ZBTB40: variants seen among roughly 807,000 people sequenced by gnomAD.
The protein encoded by ZBTB40 is zinc finger and BTB domain-containing protein 40.
Under a neutral mutation model 117.5 loss-of-function variants are expected in ZBTB40, and 60 were observed. The observed-to-expected ratio is 0.51, with a 90% CI of 0.41 to 0.63. The LOEUF is 0.63. Ranked by LOEUF, ZBTB40 falls within the 30% of genes least tolerant of loss-of-function variation. The pLI, the probability that ZBTB40 is intolerant of heterozygous loss-of-function variation, is 0.00. For missense variants in ZBTB40, 1,287 were observed against 1,498.5 expected, an observed-to-expected ratio of 0.86 and a Z score of 2.33; for synonymous variants, 525 against 577.1, an observed-to-expected ratio of 0.91 and a Z score of 1.29.
chr1:22,466,005 CT>C lies in ZBTB40; in HGVS notation c.-70+14002del, dbSNP rs1044488791. On this transcript the variant is annotated intron_variant, in intron 1 of 17. Coordinates refer to ENST00000375647, the MANE Select transcript of ZBTB40 (RefSeq NM_014870.4). ...GTGTTTTATCACTCTGAAACCCCCC[CT>C]GTACCTGTTAGTAGTCACTCCCCAT... Among the ~76,000 whole-genome samples, 14 of 152,356 alleles carry C rather than the reference CT, an allele frequency of 9.2e-5. No homozygotes were observed. In the Middle Eastern group the frequency reaches 0.014, roughly 148 times the overall value.
At chr1:22,521,167 A>G (rs28645571) in intron 14 of ZBTB40, among the ~76,000 whole-genome samples, 24,131 of 152,244 alleles carry the variant, frequency 0.16, 2,246 homozygotes, top group Admixed American at 0.21. Flanking sequence ...TCCTGATGTT[A>G]TGATTAGTCA....
intron 1 of ZBTB40, among the ~76,000 whole-genome samples, chr1:22,458,200 A>C (rs567144567): frequency 6.6e-6 from 1 of 152,162 alleles, no homozygotes; most frequent in African/African-American, 2.4e-5. Context: ...ATTCCTCTCC[A>C]ATCTATTTGG....
rs374674583 is a variant in ZBTB40, at chr1:22,527,750, G to C, written c.*1354G>C. ...CTCACATTGCCATGTACAGAGGCAGGAGTCACGTTTGGTCACCATGGAAGC... is the reference window on the plus strand; with the variant it reads ...CTCACATTGCCATGTACAGAGGCAGCAGTCACGTTTGGTCACCATGGAAGC... On this transcript the variant is annotated 3_prime_UTR_variant, in exon 18 of 18. Coordinates refer to ENST00000375647, the MANE Select transcript of ZBTB40 (RefSeq NM_014870.4). The C allele has an allele frequency of 5.3e-5, 8 of 152,110 alleles. No individual in the cohort carries two copies. The East Asian group carries it at 1.5e-3, about 29-fold the overall frequency. The allele number at this position is 152,110 out of a possible 1,614,324, so 9.4% of individuals were successfully genotyped here.
intron 1 of ZBTB40, among the ~76,000 whole-genome samples, chr1:22,473,941 C>CT (rs1419568996): frequency 6.6e-6 from 1 of 152,090 alleles, no homozygotes; most frequent in African/African-American, 2.4e-5. Context: ...AGCCTTAGTC[C>CT]TCATCTGTAA....
chr1:22,484,736 A>G (rs1213227318), intron 1 of ZBTB40, among the ~76,000 whole-genome samples: 1 of 152,172 alleles, frequency 6.6e-6, no homozygotes, highest in Non-Finnish European at 1.5e-5. Flanking sequence ...CAGCAGGAAG[A>G]CTTTGAGTTT....
intron 1 of ZBTB40, among the ~76,000 whole-genome samples, chr1:22,464,726 A>G (rs1156410341): frequency 3.3e-5 from 5 of 152,248 alleles, no homozygotes; most frequent in Non-Finnish European, 7.3e-5. Flanking sequence ...TTTTAAATGC[A>G]AATATGTATA....
intron 11 of ZBTB40, 46 bp from the exon 12 acceptor site, chr1:22,512,878 G>A (rs1569873196): frequency 6.2e-7 from 1 of 1,601,812 alleles, no homozygotes; most frequent in South Asian, 1.1e-5. Flanking sequence ...TCCTAACACT[G>A]ATTAGTAGCA....
At position 22,468,465 on chromosome 1, in the gene ZBTB40, C is replaced by CTTTTTT. The variant is rs555995462; in HGVS notation, c.-70+16483_-70+16488dup. ...TTAAAATTTAAAATGTTAATGTTTC[C>CTTTTTT]TTTTTTTTTTTTTTTTTTTTTTTTT... On this transcript the variant is annotated intron_variant, in intron 1 of 17. Coordinates refer to ENST00000375647, the MANE Select transcript of ZBTB40 (RefSeq NM_014870.4). Among the ~76,000 whole-genome samples the CTTTTTT allele has an allele frequency of 2.5e-4, 13 of 51,722 alleles. 3 individuals are homozygous for CTTTTTT. The highest frequency in any genetic ancestry group is 4.5e-4 in the Admixed American group (2 of 4,488). The allele number at this position is 51,722 out of a possible 152,430, so 33.9% of individuals were successfully genotyped here.
chr1:22,481,216 G>A (rs561421897), intron 1 of ZBTB40, among the ~76,000 whole-genome samples: 1 of 151,874 alleles, frequency 6.6e-6, no homozygotes, highest in African/African-American at 2.4e-5. Flanking sequence ...TTTGTAGTGG[G>A]AGAAAAAGAG....
At chr1:22,512,325 C>A (rs1434602045) in intron 11 of ZBTB40, among the ~76,000 whole-genome samples, 191 bp downstream of exon 11, 1 of 152,154 alleles carries the variant, frequency 6.6e-6, no homozygotes, top group African/African-American at 2.4e-5. Flanking sequence ...TTGATTTCCC[C>A]AAATCTATTA....
intron 12 of ZBTB40, among the ~76,000 whole-genome samples, chr1:22,515,679 C>G (rs1639356629): frequency 6.6e-6 from 1 of 152,130 alleles, no homozygotes; most frequent in Non-Finnish European, 1.5e-5. Context: ...CTGGATAATC[C>G]AAGACAACCC....
At chr1:22,481,565 T>C (rs1177657389) in intron 1 of ZBTB40, among the ~76,000 whole-genome samples, 2 of 152,140 alleles carry the variant, frequency 1.3e-5, no homozygotes, top group African/African-American at 4.8e-5. Context: ...ACATAATGCT[T>C]GAAATATCTC....
chr1:22,433,582 TTA>T (rs1462888285), intron 1 of ZBTB40, among the ~76,000 whole-genome samples: 1 of 148,848 alleles, frequency 6.7e-6, no homozygotes, highest in Non-Finnish European at 1.5e-5. Flanking sequence ...TATTAAGCCA[TTA>T]TAGATATCAG....
At chr1:22,449,132 C>T (rs1040172950), upstream of ZBTB40, among the ~76,000 whole-genome samples, 7 of 152,088 alleles carry the variant, frequency 4.6e-5, no homozygotes, top group East Asian at 3.8e-4. Context: ...TTTCTTACTA[C>T]GGCCAGGAAC....
At chr1:22,469,466 C>T (rs1484020505) in intron 1 of ZBTB40, among the ~76,000 whole-genome samples, 1 of 152,176 alleles carries the variant, frequency 6.6e-6, no homozygotes, top group Non-Finnish European at 1.5e-5. Context: ...ACTACAGGTA[C>T]ATGCCATTGC....
chr1:22,521,437 G>C, intron 14 of ZBTB40, 59 bp from the exon 15 acceptor site: 2 of 1,602,496 alleles, frequency 1.2e-6, no homozygotes, highest in Non-Finnish European at 1.7e-6. Flanking sequence ...TGAGAGCCTC[G>C]TGAGCTCTCC....
intron 1 of ZBTB40, among the ~76,000 whole-genome samples, chr1:22,446,027 G>C (rs1557475026): frequency 6.6e-6 from 1 of 152,130 alleles, no homozygotes; most frequent in Non-Finnish European, 1.5e-5. Flanking sequence ...AGATAAAGGA[G>C]ACAGCGTGCA....
Position 22,490,545 on chromosome 1 carries a change from T to G in ZBTB40, c.597T>G (p.Asn199Lys), listed in dbSNP as rs147346219. 3.0e-5 allele frequency: 48 copies of G among 1,612,968 alleles called. No individual in the cohort carries two copies. The African/African-American group carries it at 5.6e-4, about 19-fold the overall frequency. The change falls in exon 2 of 18, where the codon AAT (asparagine) becomes AAG (lysine). Residue 199 changes from asparagine to lysine, a missense_variant. Physicochemically the swap from Asn to Lys is moderately conservative, Grantham distance 94. Transcript: ENST00000375647. The stretch of plus-strand genomic sequence containing the variant: ...CCACAGCCCAGGAGAGCCAGAGGAA[T>G]GCAGAAACCCCAGCGGAGACTCCTA... The part of the protein sequence containing the change: ...NSPTAQESQR[N>K]AETPAETPTT...
At chr1:22,430,025 C>T (rs1640557515) in intron 1 of ZBTB40, among the ~76,000 whole-genome samples, 2 of 152,282 alleles carry the variant, frequency 1.3e-5, no homozygotes, top group Middle Eastern at 3.4e-3. Context: ...ATGATGTCTG[C>T]TGTAAGTTTT....
Sources: gnomAD v4.1 joint callset for allele counts (sites outside exome capture counted in the v4.1 genomes callset) on GRCh38, gnomAD v4.1.1 for gene constraint, MANE v1.5 for transcripts, NCBI Gene and HGNC (gene_info 2026-07-23, HGNC 2026-07-21) for gene names.